UNC13C: variants seen among roughly 807,000 people sequenced by gnomAD.
UNC13C encodes the protein protein unc-13 homolog C.
Under a neutral mutation model 245.4 loss-of-function variants are expected in UNC13C, and 174 were observed. The ratio of observed to expected loss-of-function variants is 0.71; its 90% confidence interval spans 0.63 to 0.80. UNC13C has a LOEUF of 0.80. Among genes scored for constraint, UNC13C ranks in the 30% least tolerant of loss-of-function variants. The pLI, the probability that UNC13C is intolerant of heterozygous loss-of-function variation, is 0.00. For missense variants in UNC13C, 2,829 were observed against 2,602.9 expected, an observed-to-expected ratio of 1.09 and a Z score of -1.89; for synonymous variants, 992 against 895.1, an observed-to-expected ratio of 1.11 and a Z score of -1.93.
the UNC13C span, among the ~76,000 whole-genome samples, chr15:53,858,821 A>C: frequency 6.6e-6 from 1 of 152,210 alleles, no homozygotes; most frequent in East Asian, 1.9e-4. Flanking sequence ...CATATGGTTA[A>C]TATTAAGGAG....
rs528780372 is a variant in UNC13C, at chr15:54,117,103, C to T, written c.2984-25915C>T. Among the ~76,000 whole-genome samples, 38 of 151,940 alleles carry T rather than the reference C, an allele frequency of 2.5e-4. 2 individuals carry two copies. In the South Asian group the frequency reaches 7.9e-3, roughly 32 times the overall value. On this transcript the variant is annotated intron_variant, in intron 2 of 32. Coordinates refer to ENST00000260323, the MANE Select transcript of UNC13C (RefSeq NM_001080534.3). ...TATTCAGATATTTTGCCCATTTTTG[C>T]TTCCGATTAGTTTTTGTTGTTGTTG...
intron 2 of UNC13C, among the ~76,000 whole-genome samples, chr15:54,081,006 G>A (rs1405816171): frequency 1.3e-5 from 2 of 151,924 alleles, no homozygotes; most frequent in African/African-American, 2.4e-5. Flanking sequence ...GGTATGTTGT[G>A]TGTCTATTTT....
chr15:54,132,048 C>A (rs1254217999), intron 2 of UNC13C, among the ~76,000 whole-genome samples: 2 of 104,850 alleles, frequency 1.9e-5, no homozygotes, highest in East Asian at 7.2e-4. Flanking sequence ...ACTGAACTGT[C>A]ATTGCAATTC....
chr15:54,273,414 C>G (rs1006000477), intron 10 of UNC13C, among the ~76,000 whole-genome samples: 1 of 152,142 alleles, frequency 6.6e-6, no homozygotes, highest in Admixed American at 6.6e-5. Flanking sequence ...TTCTTGATCA[C>G]TACTCAATAG....
chr15:53,853,949 G>T, the UNC13C span, among the ~76,000 whole-genome samples: 1 of 151,994 alleles, frequency 6.6e-6, no homozygotes, highest in Non-Finnish European at 1.5e-5. Flanking sequence ...TAAATTGTCT[G>T]TTCACTCAGA....
intron 1 of UNC13C, among the ~76,000 whole-genome samples, chr15:54,008,467 C>T (rs868563051): frequency 1.7e-4 from 26 of 152,278 alleles, no homozygotes; most frequent in African/African-American, 5.8e-4. Flanking sequence ...CCTATAACCG[C>T]ATAGTCTATT....
At chr15:54,099,578 A>G (rs1246039484) in intron 2 of UNC13C, among the ~76,000 whole-genome samples, 1 of 152,244 alleles carries the variant, frequency 6.6e-6, no homozygotes, top group East Asian at 1.9e-4. Context: ...AAACTGTAAA[A>G]GGAAACTGGA....
chr15:54,257,110 A>G (rs1473591862), intron 8 of UNC13C, among the ~76,000 whole-genome samples: 3 of 152,188 alleles, frequency 2.0e-5, no homozygotes, highest in African/African-American at 7.2e-5. Flanking sequence ...TTGTTTTGAA[A>G]TTTTTGGTGT....
chr15:54,256,782 C>T (rs964881354), intron 8 of UNC13C, among the ~76,000 whole-genome samples: 3 of 152,134 alleles, frequency 2.0e-5, no homozygotes, highest in Admixed American at 1.3e-4. Context: ...TAAAAGAGAA[C>T]AATTATACTT....
intron 2 of UNC13C, among the ~76,000 whole-genome samples, chr15:54,142,686 G>C (rs903403999): frequency 1.3e-5 from 2 of 152,162 alleles, no homozygotes; most frequent in African/African-American, 4.8e-5. Context: ...GAGTTTGGTA[G>C]CTTATCCAAT....
chr15:54,347,257 T>A (rs1219568597), intron 17 of UNC13C, among the ~76,000 whole-genome samples: 1 of 152,212 alleles, frequency 6.6e-6, no homozygotes, highest in African/African-American at 2.4e-5. Context: ...AAAGAACTTT[T>A]CTGTTGAACA....
chr15:54,515,968 A>T (rs1894956869), intron 24 of UNC13C, among the ~76,000 whole-genome samples: 2 of 152,202 alleles, frequency 1.3e-5, no homozygotes, highest in South Asian at 2.1e-4. Context: ...CCATAACCCC[A>T]TCATTTTAAA....
chr15:54,423,386 A>T (rs939794178), intron 19 of UNC13C, among the ~76,000 whole-genome samples: 1 of 151,872 alleles, frequency 6.6e-6, no homozygotes, highest in African/African-American at 2.4e-5. Flanking sequence ...ATATTCAGAT[A>T]TATTTCTATG....
chr15:54,229,846 A>G (rs2035499769), intron 4 of UNC13C, among the ~76,000 whole-genome samples: 1 of 152,088 alleles, frequency 6.6e-6, no homozygotes, highest in Non-Finnish European at 1.5e-5. Flanking sequence ...CAACATTTTT[A>G]GGTTGCACAT....
At chr15:54,377,990 T>C (rs898495688) in intron 17 of UNC13C, among the ~76,000 whole-genome samples, 4 of 152,166 alleles carry the variant, frequency 2.6e-5, no homozygotes, top group African/African-American at 9.7e-5. Context: ...AGTCAATTTT[T>C]AGATACAGTA....
chr15:54,290,499 A>G (rs1340119566), intron 10 of UNC13C, among the ~76,000 whole-genome samples: 5 of 152,096 alleles, frequency 3.3e-5, no homozygotes, highest in Non-Finnish European at 5.9e-5. Context: ...ATCAGTGGTC[A>G]TTTATAGTTG....
intron 19 of UNC13C, among the ~76,000 whole-genome samples, chr15:54,428,477 G>T (rs1359947690): frequency 6.6e-6 from 1 of 151,330 alleles, no homozygotes; most frequent in Admixed American, 6.6e-5. Flanking sequence ...TTCACTTCAG[G>T]TTTCTGATAA....
chr15:53,938,702 C>A, the UNC13C span, among the ~76,000 whole-genome samples: 2 of 152,126 alleles, frequency 1.3e-5, no homozygotes, highest in Non-Finnish European at 2.9e-5. Flanking sequence ...TTAAGAAATT[C>A]ACGGAAAACC....
At chr15:53,910,818 C>A in the UNC13C span, 2 of 146,686 alleles carry the variant, frequency 1.4e-5, no homozygotes. Context: ...TGCCTACGGC[C>A]CCCCGAGTGT....
Sources: gnomAD v4.1 joint callset for allele counts (sites outside exome capture counted in the v4.1 genomes callset) on GRCh38, gnomAD v4.1.1 for gene constraint, MANE v1.5 for transcripts, NCBI Gene and HGNC (gene_info 2026-07-23, HGNC 2026-07-21) for gene names.